The following EPB41L2 variants were observed in gnomAD, a reference collection of about 807,000 sequenced individuals.
EPB41L2 encodes erythrocyte membrane protein band 4.1 like 2, also known as band 4.1-like protein 2.
In EPB41L2, 43 loss-of-function variants were observed where a neutral mutation model predicts 113.0. That is an observed-to-expected ratio of 0.38 (90% CI 0.30 to 0.49). The LOEUF (loss-of-function observed/expected upper bound fraction) is 0.49. Among genes scored for constraint, EPB41L2 ranks in the 20% least tolerant of loss-of-function variants. The pLI is 0.95. For missense variants in EPB41L2, 1,147 were observed against 1,223.4 expected (o/e 0.94, Z 0.93); for synonymous variants, 442 against 436.7 (o/e 1.01, Z -0.15).
rs768538527 is a variant in EPB41L2 at position 130,872,404 on chromosome 6, C to T, written c.2044-2278G>A. ...AGTGTGAGAAGGGCGAGGAAGAAAG[C>T]TTTTCAGAAGGTGCATTAGCGCTCA... On this transcript the variant is annotated intron_variant, in intron 14 of 19. Transcript: ENST00000337057. 11 of 1,289,116 alleles carry T rather than the reference C, an allele frequency of 8.5e-6. No homozygotes were observed. The South Asian group carries it at 1.2e-4, about 14-fold the overall frequency. 79.9% of individuals were successfully genotyped at this position (1,289,116 alleles called of 1,614,324 possible). A position where few individuals can be genotyped will look rare whatever the true frequency, so the allele number is the denominator to read the frequency against.
intron 4 of EPB41L2, among the ~76,000 whole-genome samples, chr6:130,914,744 T>G (rs1053154938): frequency 3.3e-5 from 5 of 152,110 alleles, no homozygotes; most frequent in African/African-American, 4.8e-5. Flanking sequence ...TCAATAAAAT[T>G]TATCTTGTTT....
intron 3 of EPB41L2, among the ~76,000 whole-genome samples, chr6:130,944,982 T>C (rs1812304291): frequency 1.3e-5 from 2 of 152,202 alleles, no homozygotes; most frequent in Admixed American, 1.3e-4. Flanking sequence ...TTGAATAGAA[T>C]TACCACCCTA....
In EPB41L2 at chr6:130,901,077, G is replaced by T. The variant is rs760253635; in HGVS notation, c.1033C>A (p.Leu345Ile). ...LLGSYTLQAE[L>I]GDYDPEEHGS... Reference sequence around the variant, plus strand: ...TGTTCTTCTGGGTCATAGTCACCAAGTTCAGCCTGCAGGGTGTAGGATCCC... The same window carrying T: ...TGTTCTTCTGGGTCATAGTCACCAATTTCAGCCTGCAGGGTGTAGGATCCC... Residue 345 changes from leucine to isoleucine, a missense_variant, in exon 7 of 20, where the codon CTT (leucine) becomes ATT (isoleucine). By Grantham distance (5) the Leu-to-Ile change is conservative. Transcript: ENST00000337057. 9 of 1,614,002 alleles carry T rather than the reference G, an allele frequency of 5.6e-6. No homozygotes were observed. The highest frequency in any genetic ancestry group is 3.3e-5 in the Admixed American group (2 of 59,986).
At chr6:131,007,981 G>C (rs1785986553) in intron 1 of EPB41L2, among the ~76,000 whole-genome samples, 1 of 152,150 alleles carries the variant, frequency 6.6e-6, no homozygotes, top group African/African-American at 2.4e-5. Context: ...CAATAAAAAA[G>C]AAAAACCAAT....
chr6:131,062,034 A>G (rs958220390), intron 1 of EPB41L2, among the ~76,000 whole-genome samples: 4 of 152,096 alleles, frequency 2.6e-5, no homozygotes, highest in African/African-American at 9.7e-5. Context: ...CTTCTCTCCC[A>G]TCCACCCAGG....
intron 3 of EPB41L2, among the ~76,000 whole-genome samples, chr6:130,927,344 T>C (rs1332798879): frequency 1.3e-5 from 2 of 152,116 alleles, no homozygotes; most frequent in Admixed American, 6.5e-5. Context: ...AATATATATA[T>C]ATAAATTTAA....
At chr6:130,897,240 A>T (rs1008129873) in intron 8 of EPB41L2, among the ~76,000 whole-genome samples, 1 of 152,140 alleles carries the variant, frequency 6.6e-6, no homozygotes, top group African/African-American at 2.4e-5. Flanking sequence ...AAAAAATCTG[A>T]TTTTAAGGCA....
At position 130,974,717 on chromosome 6, in the gene EPB41L2, C is replaced by CTTTTTTTTTTTTTTTTTTTTT. The variant is rs71030723; in HGVS notation, c.-14-18239_-14-18219dup. Among the ~76,000 whole-genome samples the CTTTTTTTTTTTTTTTTTTTTT allele has an allele frequency of 2.3e-3, 147 of 64,658 alleles. 20 individuals carry two copies. The highest frequency in any genetic ancestry group is 3.2e-3 in the South Asian group (4 of 1,238). 42.4% of individuals were successfully genotyped at this position (64,658 alleles called of 152,430 possible). ...GGCAGCCTCTTTTTTCTTTTCTTTT[C>CTTTTTTTTTTTTTTTTTTTTT]TTTTTTTTTTTTTTTTTTTTTTTTT... is the stretch of plus-strand genomic sequence containing the variant. On this transcript the variant is annotated intron_variant, in intron 1 of 19. Transcript: ENST00000337057.
intron 1 of EPB41L2, among the ~76,000 whole-genome samples, chr6:131,045,860 T>G (rs1364698798): frequency 6.6e-6 from 1 of 152,162 alleles, no homozygotes; most frequent in Non-Finnish European, 1.5e-5. Context: ...AAGAGATTTT[T>G]TCCAAAGTTG....
intron 3 of EPB41L2, among the ~76,000 whole-genome samples, chr6:130,943,648 G>A (rs1811663832): frequency 6.6e-6 from 1 of 152,154 alleles, no homozygotes; most frequent in Non-Finnish European, 1.5e-5. Flanking sequence ...TGATGCAGGG[G>A]CAAACAAAGT....
chr6:130,995,108 G>C (rs1266574569), intron 1 of EPB41L2, among the ~76,000 whole-genome samples: 1 of 149,322 alleles, frequency 6.7e-6, no homozygotes, highest in African/African-American at 2.5e-5. Flanking sequence ...AGGCCAAGGC[G>C]GGTGGATCAC....
chr6:131,016,948 A>G (rs886136307), intron 1 of EPB41L2, among the ~76,000 whole-genome samples: 3 of 152,206 alleles, frequency 2.0e-5, no homozygotes, highest in Non-Finnish European at 4.4e-5. Context: ...TACATTTAAA[A>G]TAACACTTGT....
intron 1 of EPB41L2, among the ~76,000 whole-genome samples, chr6:131,057,564 T>A (rs1313252277): frequency 6.6e-6 from 1 of 152,184 alleles, no homozygotes; most frequent in Non-Finnish European, 1.5e-5. Flanking sequence ...AGCACTGTTG[T>A]TATAATGGCC....
chr6:131,037,867 G>A (rs944133276), intron 1 of EPB41L2, among the ~76,000 whole-genome samples: 5 of 152,042 alleles, frequency 3.3e-5, no homozygotes, highest in Non-Finnish European at 7.4e-5. Flanking sequence ...AGGATTACAG[G>A]CATGAGCCAT....
At chr6:131,062,235 G>C (rs1798804539) in intron 1 of EPB41L2, 1 of 151,722 alleles carries the variant, frequency 6.6e-6, no homozygotes, top group Admixed American at 6.6e-5. Context: ...GGGGAGGTGA[G>C]CGATCTAGAG....
rs1794205015 is a variant in EPB41L2, at chr6:130,895,064, T to C, written c.1292A>G (p.Tyr431Cys). The change falls in exon 9 of 20, where the codon TAC becomes TGC. Residue 431 changes from tyrosine (Y) to cysteine (C), a missense_variant. By Grantham distance (194) the Tyr-to-Cys change is radical. Transcript: ENST00000337057. ...ACGATTGATTCGCAGTCTGTCTTTG[T>C]AAATGAGAAGTCCATTAGCACACAC... ...LGVCANGLLI[Y>C]KDRLRINRFA... is the part of the protein sequence containing the mutation. 2 of 1,614,026 alleles carry C rather than the reference T, an allele frequency of 1.2e-6. No individual in the cohort carries two copies. The highest frequency in any genetic ancestry group is 4.5e-5 in the East Asian group (2 of 44,874).
intron 1 of EPB41L2, among the ~76,000 whole-genome samples, chr6:131,057,909 G>A (rs2128206763): frequency 6.6e-6 from 1 of 152,250 alleles, no homozygotes; most frequent in South Asian, 2.1e-4. Context: ...TCCTAACCTG[G>A]AAAGAACTAA....
chr6:130,972,984 C>T (rs1321783972), intron 1 of EPB41L2, among the ~76,000 whole-genome samples: 4 of 147,066 alleles, frequency 2.7e-5, no homozygotes, highest in Admixed American at 7.0e-5. Flanking sequence ...TGGTGGCGCA[C>T]GCCTGTAATC....
intron 1 of EPB41L2, among the ~76,000 whole-genome samples, chr6:130,957,400 G>A (rs907902714): frequency 6.6e-6 from 1 of 152,214 alleles, no homozygotes; most frequent in Non-Finnish European, 1.5e-5. Flanking sequence ...CGGGGCCTGC[G>A]GAGATAGCCG....
Sources: gnomAD v4.1 joint callset for allele counts (sites outside exome capture counted in the v4.1 genomes callset) on GRCh38, gnomAD v4.1.1 for gene constraint, MANE v1.5 for transcripts, NCBI Gene and HGNC (gene_info 2026-07-23, HGNC 2026-07-21) for gene names.